Variants in RNGTT observed in about 807,000 individuals in gnomAD.
RNGTT encodes mRNA-capping enzyme.
In RNGTT, 33 loss-of-function variants were observed where a neutral mutation model predicts 79.3. That is an observed-to-expected ratio of 0.42 (90% confidence interval 0.32 to 0.56). The LOEUF (loss-of-function observed/expected upper bound fraction) is 0.56, where lower values mean the gene tolerates loss of function less well. Among genes scored for constraint, RNGTT ranks in the 20% least tolerant of loss-of-function variants. RNGTT has a pLI of 0.17. For missense variants in RNGTT, 497 were observed against 739.1 expected (o/e 0.67, Z 3.80); for synonymous variants, 222 against 235.9 (o/e 0.94, Z 0.54).
rs897116602 is a variant in RNGTT at position 88,652,098 on chromosome 6, G to T, written c.1506+26255C>A. 4.6e-5 allele frequency among the ~76,000 whole-genome samples: 7 copies of T among 151,992 alleles called. No individual in the cohort carries two copies. In the South Asian group the frequency reaches 1.2e-3, roughly 27 times the overall value. On this transcript the variant is annotated intron_variant, in intron 14 of 15. Transcript: ENST00000369485. ...TAATCAGAAGCAACATATTATTTTA[G>T]CAGATGAATGATCACTTGTGAAGCT... is the stretch of plus-strand genomic sequence containing the variant.
At chr6:88,927,639 G>T (rs1784363366) in intron 4 of RNGTT, among the ~76,000 whole-genome samples, 1 of 148,502 alleles carries the variant, frequency 6.7e-6, no homozygotes, top group Non-Finnish European at 1.5e-5. Context: ...TCCAGCCAGG[G>T]GAACAAGAGC....
chr6:88,753,281 G>A (rs1386467440), intron 13 of RNGTT, among the ~76,000 whole-genome samples: 1 of 152,094 alleles, frequency 6.6e-6, no homozygotes, highest in African/African-American at 2.4e-5. Context: ...GAGGCAGGAG[G>A]ACTGCTTGAG....
intron 8 of RNGTT, among the ~76,000 whole-genome samples, chr6:88,859,170 A>G (rs550169695): frequency 6.6e-6 from 1 of 151,612 alleles, no homozygotes; most frequent in Non-Finnish European, 1.5e-5. Flanking sequence ...AAATCTGTTT[A>G]ATCCCCCCAC....
At chr6:88,732,425 C>T (rs1777147559) in intron 13 of RNGTT, among the ~76,000 whole-genome samples, 1 of 152,100 alleles carries the variant, frequency 6.6e-6, no homozygotes, top group Non-Finnish European at 1.5e-5. Context: ...TACAATGGTA[C>T]AGCCACTGCA....
intron 8 of RNGTT, among the ~76,000 whole-genome samples, chr6:88,878,183 C>A (rs1221015430): frequency 6.6e-6 from 1 of 152,002 alleles, no homozygotes; most frequent in African/African-American, 2.4e-5. Flanking sequence ...GCAACCTCCG[C>A]CTCCCGGGTC....
chr6:88,835,214 T>C lies in RNGTT; in HGVS notation c.1269+9143A>G, dbSNP rs181613740. Among the ~76,000 whole-genome samples the C allele has an allele frequency of 2.2e-3, 339 of 152,320 alleles. 3 individuals carry two copies. Among genetic ancestry groups the C allele is most frequent in the African/African-American group, 8.0e-3 (332 of 41,578 alleles). ...ATTATCTGTTCTTTTGTTTTCTTTT[T>C]TAATTCTAGCTTTTGAAATGGGGGA... On this transcript the variant is annotated intron_variant, in intron 11 of 15. Transcript: ENST00000369485.
chr6:88,695,790 T>C (rs1775640100), intron 13 of RNGTT, among the ~76,000 whole-genome samples: 1 of 152,198 alleles, frequency 6.6e-6, no homozygotes, highest in Non-Finnish European at 1.5e-5. Context: ...AAATGTGGTA[T>C]ACATAAACAA....
At chr6:88,739,503 A>G (rs1170354895) in intron 13 of RNGTT, among the ~76,000 whole-genome samples, 1 of 152,030 alleles carries the variant, frequency 6.6e-6, no homozygotes, top group African/African-American at 2.4e-5. Context: ...AATTTTAAGT[A>G]AACTTATGTT....
At chr6:88,868,383 GTTT>G (rs747474102) in intron 8 of RNGTT, among the ~76,000 whole-genome samples, 2 of 152,134 alleles carry the variant, frequency 1.3e-5, no homozygotes, top group Non-Finnish European at 2.9e-5. Context: ...TAAACAAAGG[GTTT>G]ATGCAGCCAC....
At chr6:88,883,102 G>A (rs1328266434) in intron 8 of RNGTT, among the ~76,000 whole-genome samples, 1 of 145,542 alleles carries the variant, frequency 6.9e-6, no homozygotes, top group Admixed American at 7.0e-5. Context: ...TATAAGAATA[G>A]CTAGTACCAC....
chr6:88,808,077 G>A (rs949122435), intron 11 of RNGTT, among the ~76,000 whole-genome samples: 1 of 152,092 alleles, frequency 6.6e-6, no homozygotes, highest in Non-Finnish European at 1.5e-5. Flanking sequence ...CAGGTAGAAG[G>A]AATATGATAC....
At chr6:88,800,584 A>G (rs558072748) in intron 12 of RNGTT, among the ~76,000 whole-genome samples, 2 of 152,328 alleles carry the variant, frequency 1.3e-5, no homozygotes, top group Non-Finnish European at 2.9e-5. Context: ...ACTCTTTCCT[A>G]TAGAGTAAGT....
intron 4 of RNGTT, among the ~76,000 whole-genome samples, chr6:88,917,491 A>G (rs1393249978): frequency 6.6e-6 from 1 of 152,226 alleles, no homozygotes; most frequent in Non-Finnish European, 1.5e-5. Context: ...AAGGGTCAAA[A>G]TCCTAAAAAA....
At chr6:88,667,423 G>A (rs1196431878) in intron 14 of RNGTT, among the ~76,000 whole-genome samples, 2 of 152,134 alleles carry the variant, frequency 1.3e-5, no homozygotes, top group African/African-American at 4.8e-5. Flanking sequence ...ACAGCAATGT[G>A]TCACCTGCCA....
At chr6:88,790,000 C>T (rs1052569839) in intron 12 of RNGTT, among the ~76,000 whole-genome samples, 2 of 152,052 alleles carry the variant, frequency 1.3e-5, no homozygotes, top group South Asian at 4.1e-4. Context: ...TTTATGCCCG[C>T]TTTGATATAA....
At chr6:88,677,025 C>T (rs1774901173) in intron 14 of RNGTT, among the ~76,000 whole-genome samples, 1 of 152,142 alleles carries the variant, frequency 6.6e-6, no homozygotes, top group African/African-American at 2.4e-5. Flanking sequence ...AAAGGATAAT[C>T]AAACAGTGCT....
intron 2 of RNGTT, among the ~76,000 whole-genome samples, chr6:88,936,464 C>A (rs147897517): frequency 6.6e-6 from 1 of 152,206 alleles, no homozygotes; most frequent in African/African-American, 2.4e-5. Context: ...ATTCTCAGGG[C>A]AAAAGCTGAA....
chr6:88,702,980 G>A (rs561733935), intron 13 of RNGTT, among the ~76,000 whole-genome samples: 5 of 152,200 alleles, frequency 3.3e-5, no homozygotes, highest in Admixed American at 3.3e-4. Flanking sequence ...TCAGGGAAAT[G>A]CAAATCAAAA....
At chr6:88,744,856 A>G (rs1472022752) in intron 13 of RNGTT, among the ~76,000 whole-genome samples, 1 of 152,240 alleles carries the variant, frequency 6.6e-6, no homozygotes, top group Non-Finnish European at 1.5e-5. Context: ...AAGTTAACGA[A>G]ACATTACAAA....
Sources: allele counts gnomAD v4.1 joint callset (sites outside exome capture counted in the v4.1 genomes callset), GRCh38; gene constraint gnomAD v4.1.1; transcripts MANE v1.5; gene names NCBI Gene and HGNC (gene_info 2026-07-23, HGNC 2026-07-21).